Variants in LY6G5B observed in about 807,000 individuals in gnomAD.
The protein encoded by LY6G5B is lymphocyte antigen 6 complex locus protein G5b.
In LY6G5B, 6 loss-of-function variants were observed where a neutral mutation model predicts 6.7. That is an observed-to-expected ratio of 0.89 (90% CI 0.49 to 1.76). The LOEUF is 1.76. Among genes scored for constraint, LY6G5B ranks in the 40% most tolerant of loss-of-function variants. LY6G5B has a pLI of 0.01. For missense variants in LY6G5B, 240 were observed against 249.5 expected, an observed-to-expected ratio of 0.96 and a Z score of 0.26; for synonymous variants, 98 against 99.4, an observed-to-expected ratio of 0.99 and a Z score of 0.09.
upstream of LY6G5B, chr6:31,670,009 T>G (rs2151190266): frequency 8.5e-7 from 1 of 1,176,388 alleles, no homozygotes. Context: ...GGTTTTTAGT[T>G]TAAATTAAAG....
chr6:31,671,772 G>C lies in LY6G5B; in HGVS notation c.188-92G>C. The C allele has an allele frequency of 2.8e-6, 4 of 1,453,474 alleles. No individual in the cohort carries two copies. The Admixed American group carries it at 8.4e-5, about 31-fold the overall frequency. 90.0% of individuals were successfully genotyped at this position (1,453,474 alleles called of 1,614,324 possible). ...GGACTCTGGGTTAGAAGTAAATTAGGTCTGGGTGAAGGATGGGAAAAGTCA... is the reference window on the plus strand; with the variant it reads ...GGACTCTGGGTTAGAAGTAAATTAGCTCTGGGTGAAGGATGGGAAAAGTCA... On this transcript the variant is annotated intron_variant, in intron 2 of 2. Coordinates refer to ENST00000375864, the Ensembl canonical transcript of LY6G5B.
chr6:31,670,740 G>T, exon 1 of LY6G5B: 1 of 562,240 alleles, frequency 1.8e-6, no homozygotes. Context: ...CAGACGTTGT[G>T]GGTGAGGACA....
exon 3 of LY6G5B, chr6:31,672,435 A>T (rs1802303799): frequency 1.1e-6 from 1 of 870,932 alleles, no homozygotes; most frequent in East Asian, 2.5e-5. Flanking sequence ...TTCTCTCTTG[A>T]ACTCTGGTGC....
chr6:31,672,554 C>T (rs1025899859), exon 3 of LY6G5B: 15 of 481,362 alleles, frequency 3.1e-5, no homozygotes, highest in African/African-American at 2.2e-4. Flanking sequence ...CAGCGATTCT[C>T]CTGCCTCAGC....
At chr6:31,670,817 C>A in exon 1 of LY6G5B, 2 of 884,188 alleles carry the variant, frequency 2.3e-6, no homozygotes, top group Non-Finnish European at 3.6e-6. Flanking sequence ...AGGAATATAG[C>A]TCTGCATTTA....
At chr6:31,670,916 C>A in exon 1 of LY6G5B, 1 of 1,562,526 alleles carries the variant, frequency 6.4e-7, no homozygotes, top group Non-Finnish European at 8.7e-7. Flanking sequence ...TCAGGGCATC[C>A]CCTCAGGAAC....
chr6:31,670,258 T>A (rs920952037), exon 1 of LY6G5B: 5 of 327,632 alleles, frequency 1.5e-5, no homozygotes, highest in Non-Finnish European at 2.8e-5. Context: ...AAATGCAAGG[T>A]CAAAAGGAAA....
intron 2 of LY6G5B, 60 bp from the exon 3 acceptor site, chr6:31,671,804 G>A: frequency 6.5e-7 from 1 of 1,538,052 alleles, no homozygotes; most frequent in Non-Finnish European, 8.8e-7. Context: ...GTCAGTAGCA[G>A]GGGTTCTTGG....
chr6:31,671,393 G>T, intron 2 of LY6G5B, 109 bp downstream of exon 2: 1 of 1,505,496 alleles, frequency 6.6e-7, no homozygotes, highest in South Asian at 1.2e-5. Flanking sequence ...AAGAGAGGAG[G>T]GGCTGAGTGC....
chr6:31,671,837 G>A, intron 2 of LY6G5B, 27 bp from the exon 3 acceptor site: 1 of 1,587,896 alleles, frequency 6.3e-7, no homozygotes, highest in Non-Finnish European at 8.6e-7. Flanking sequence ...TATTGGAAGG[G>A]GTTATCAGCT....
chr6:31,672,375 T>A (rs1248585529), exon 3 of LY6G5B: 1 of 1,341,198 alleles, frequency 7.5e-7, no homozygotes, highest in East Asian at 2.3e-5. Context: ...TGTGATTTCT[T>A]AGGCCTCCGT....
chr6:31,671,968 T>A, exon 3 of LY6G5B: 1 of 1,613,088 alleles, frequency 6.2e-7, no homozygotes. Context: ...TCAGGCCCAG[T>A]GCTGTCAGTA....
chr6:31,671,356 AG>A (rs1460159044), intron 2 of LY6G5B, 72 bp downstream of exon 2: 1 of 1,602,044 alleles, frequency 6.2e-7, no homozygotes, highest in Non-Finnish European at 8.5e-7. Flanking sequence ...CTCACAGATC[AG>A]GGCTGCTCCG....
In LY6G5B at chr6:31,671,965, C is replaced by T. The variant is rs1287971945; in HGVS notation, c.289C>T (p.Gln97Ter). 6.2e-7 allele frequency: 1 copy of T among 1,612,970 alleles called. No homozygotes were observed. Among genetic ancestry groups the T allele is most frequent in the East Asian group, 2.2e-5 (1 of 44,904 alleles). The change falls in exon 3 of 3, where the codon CAG becomes TAG. Residue 97 changes from glutamine (Q) to a stop codon, truncating the protein, a stop_gained. Transcript: ENST00000375864. LOFTEE classifies it low-confidence loss of function (END_TRUNC). ...CTTTGCAGAGTACTGGTATCAGGCC[C>T]AGTGCTGTCAGTACGATTATTGCAA...
chr6:31,671,812 T>C, intron 2 of LY6G5B, 52 bp from the exon 3 acceptor site: 1 of 1,552,950 alleles, frequency 6.4e-7, no homozygotes, highest in Non-Finnish European at 8.7e-7. Context: ...CAGGGGTTCT[T>C]GGACTATGGG....
Position 31,670,852 on chromosome 6 carries a change from C to T in LY6G5B, c.-99C>T. 7.3e-7 allele frequency: 1 copy of T among 1,366,378 alleles called. No homozygotes were observed. The highest frequency in any genetic ancestry group is 2.3e-5 in the East Asian group (1 of 43,138). The allele number at this position is 1,366,378 out of a possible 1,614,324, so 84.6% of individuals were successfully genotyped here. The stretch of plus-strand genomic sequence containing the variant: ...ACAGCAGCTCCTGCTCAGACCTTGT[C>T]AAAACCACCCTGCAGCTTAGGATTA... On this transcript the variant is annotated 5_prime_UTR_variant, in exon 1 of 3. An upstream open reading frame in the 5' UTR gains an earlier in-frame stop. Transcript: ENST00000375864.
Position 31,671,294 on chromosome 6 carries a change from G to T in LY6G5B, c.187+10G>T, listed in dbSNP as rs766311633. On this transcript the variant is annotated intron_variant, in intron 2 of 2. Transcript: ENST00000375864. ...ATCACCATCTATTATGGTAAATAAG[G>T]TCCCAGGAAGGGGCTGCTGGTGGGG... 3.7e-6 allele frequency: 6 copies of T among 1,613,040 alleles called. No homozygotes were observed. Among genetic ancestry groups the T allele is most frequent in the African/African-American group, 1.3e-5 (1 of 75,008 alleles).
At chr6:31,669,980 C>T (rs537570358), upstream of LY6G5B, 3 of 1,447,302 alleles carry the variant, frequency 2.1e-6, no homozygotes, top group Non-Finnish European at 2.9e-6. This position sits in a 1 kb window ranked among gnomAD's most constrained non-coding sequence, Gnocchi z 4.8. Flanking sequence ...TTTTTGCCAC[C>T]CTTTCAGGAA....
rs139793664 is a variant in LY6G5B at position 31,672,238 on chromosome 6, T to G, written c.562T>G (p.Leu188Val). ...CTTGTTCCTCAATAGTTCAGGACTT[T>G]TGGTTCTTCCCCAGGCTGGACTCTT... The change falls in exon 3 of 3, where the codon TTG (leucine) becomes GTG (valine). Residue 188 changes from leucine (L) to valine (V), a missense_variant. Leu to Val is a conservative substitution (Grantham distance 32). Coordinates refer to ENST00000375864, the Ensembl canonical transcript of LY6G5B. The G allele has an allele frequency of 3.3e-4, 529 of 1,613,164 alleles. 4 individuals carry two copies. In the African/African-American group the frequency reaches 6.2e-3, roughly 19 times the overall value.
Sources: gnomAD v4.1 joint callset for allele counts on GRCh38, gnomAD v4.1.1 for gene constraint, Gnocchi (gnomAD v3.1) non-coding constraint, MANE v1.5 for transcripts, NCBI Gene and HGNC (gene_info 2026-07-23, HGNC 2026-07-21) for gene names.